Variants in MTAP observed in about 807,000 individuals in gnomAD.
MTAP encodes methylthioadenosine phosphorylase, also known as S-methyl-5'-thioadenosine phosphorylase.
Under a neutral mutation model 33.6 loss-of-function variants are expected in MTAP, and 33 were observed. The observed-to-expected ratio is 0.98, with a 90% CI of 0.74 to 1.31. The LOEUF (loss-of-function observed/expected upper bound fraction) is 1.31. Among genes scored for constraint, MTAP ranks in the 40% most tolerant of loss-of-function variants. MTAP has a pLI of 0.00. For missense variants in MTAP, 367 were observed against 360.0 expected (o/e 1.02, Z -0.16); for synonymous variants, 148 against 125.7 (o/e 1.18, Z -1.19).
intron 5 of MTAP, among the ~76,000 whole-genome samples, chr9:21,844,273 A>AG (rs936474538): frequency 6.6e-6 from 1 of 152,212 alleles, no homozygotes; most frequent in African/African-American, 2.4e-5. Context: ...CCAAGACCAG[A>AG]GGGATTCACA....
In MTAP at chr9:21,859,439, A is replaced by G. The variant is rs757389651; in HGVS notation, c.813+14A>G. ...CATAACCTGAAGGTAAGTGTCAGCCATGGACAATCAGGCATGTCTGTAGAC... is the reference window on the plus strand; with the variant it reads ...CATAACCTGAAGGTAAGTGTCAGCCGTGGACAATCAGGCATGTCTGTAGAC... On this transcript the variant is annotated intron_variant, in intron 7 of 7. Transcript: ENST00000644715. 2 of 1,602,954 alleles carry G rather than the reference A, an allele frequency of 1.2e-6. No homozygotes were observed. The highest frequency in any genetic ancestry group is 1.7e-6 in the Non-Finnish European group (2 of 1,176,590).
intron 4 of MTAP, among the ~76,000 whole-genome samples, chr9:21,834,851 T>A (rs1195182329): frequency 6.6e-6 from 1 of 152,244 alleles, no homozygotes; most frequent in Non-Finnish European, 1.5e-5. Context: ...GGGCCATTAT[T>A]TGAAATCTAA....
chr9:21,863,551 G>C lies in MTAP; in HGVS notation c.*1537G>C. The C allele has an allele frequency of 2.6e-6, 2 of 760,170 alleles. No individual in the cohort carries two copies. Among genetic ancestry groups the C allele is most frequent in the Non-Finnish European group, 3.2e-6 (2 of 624,494 alleles). 47.1% of individuals were successfully genotyped at this position (760,170 alleles called of 1,614,324 possible). On this transcript the variant is annotated 3_prime_UTR_variant, in exon 8 of 8. Coordinates refer to ENST00000644715, the MANE Select transcript of MTAP (RefSeq NM_002451.4). ...GAACCTGGGAGGTGGAGCTTGCAGTGAGCAGAGCTTGCAGTGAGACGAGCT... is the reference window on the plus strand; with the variant it reads ...GAACCTGGGAGGTGGAGCTTGCAGTCAGCAGAGCTTGCAGTGAGACGAGCT...
chr9:21,821,537 T>G (rs1014604798), intron 4 of MTAP, among the ~76,000 whole-genome samples: 2 of 152,242 alleles, frequency 1.3e-5, no homozygotes, highest in Non-Finnish European at 2.9e-5. Flanking sequence ...CAGTATTTTA[T>G]TGAGGATTTT....
intron 6 of MTAP, among the ~76,000 whole-genome samples, chr9:21,855,822 T>G (rs1425287255): frequency 5.3e-5 from 8 of 152,186 alleles, no homozygotes; most frequent in African/African-American, 1.9e-4. Context: ...GATAGGTATG[T>G]CCCTACCTAT....
At chr9:21,894,890 A>G (rs1042339022) in intron 1 of MTAP, among the ~76,000 whole-genome samples, 4 of 152,188 alleles carry the variant, frequency 2.6e-5, no homozygotes, top group Non-Finnish European at 5.9e-5. Context: ...ATAACATCCA[A>G]GCTGAGAGCC....
chr9:21,908,307 A>G (rs1818506650), intron 1 of MTAP, among the ~76,000 whole-genome samples: 2 of 152,100 alleles, frequency 1.3e-5, no homozygotes. Context: ...TTTTTATTCC[A>G]TTCTATTGCT....
intron 1 of MTAP, among the ~76,000 whole-genome samples, chr9:21,880,899 A>G (rs1818000176): frequency 6.6e-6 from 1 of 151,938 alleles, no homozygotes; most frequent in Non-Finnish European, 1.5e-5. Context: ...TTGCAGAAAC[A>G]TAAAAATTCA....
chr9:21,818,873 T>A (rs1339154928), intron 4 of MTAP, among the ~76,000 whole-genome samples: 2 of 152,202 alleles, frequency 1.3e-5, no homozygotes, highest in African/African-American at 4.8e-5. Context: ...CTCAAAAACT[T>A]ATTCCTCCTG....
chr9:21,883,688 CA>C (rs201069262), intron 1 of MTAP, among the ~76,000 whole-genome samples: 27 of 146,502 alleles, frequency 1.8e-4, no homozygotes, highest in African/African-American at 5.8e-4. Flanking sequence ...CACTAGATAG[CA>C]AAAAAAAAAT....
chr9:21,928,925 T>C (rs192723779), intron 1 of MTAP, among the ~76,000 whole-genome samples: 31 of 151,920 alleles, frequency 2.0e-4, no homozygotes, highest in Admixed American at 1.8e-3. Context: ...GTATGTTTCT[T>C]CTTTAGCAGG....
intron 1 of MTAP, among the ~76,000 whole-genome samples, chr9:21,920,400 C>T (rs550373446): frequency 2.6e-5 from 4 of 152,152 alleles, no homozygotes; most frequent in East Asian, 1.9e-4. Flanking sequence ...ATGTTTTTTT[C>T]CCTCAACCAT....
At chr9:21,848,057 C>G (rs1340997713) in intron 5 of MTAP, among the ~76,000 whole-genome samples, 2 of 152,164 alleles carry the variant, frequency 1.3e-5, no homozygotes, top group Non-Finnish European at 2.9e-5. Flanking sequence ...GTGGCAGCAT[C>G]CCCTCCCTGA....
Position 21,859,440 on chromosome 9 carries a change from T to C in MTAP, c.813+15T>C, listed in dbSNP as rs1315263415. 6.2e-7 allele frequency: 1 copy of C among 1,603,210 alleles called. No homozygotes were observed. Among genetic ancestry groups the C allele is most frequent in the Admixed American group, 1.8e-5 (1 of 57,104 alleles). On this transcript the variant is annotated intron_variant, in intron 7 of 7. Coordinates refer to ENST00000644715, the MANE Select transcript of MTAP (RefSeq NM_002451.4). The stretch of plus-strand genomic sequence containing the variant: ...ATAACCTGAAGGTAAGTGTCAGCCA[T>C]GGACAATCAGGCATGTCTGTAGACT...
At chr9:21,823,283 C>CCTT (rs1482535022) in intron 4 of MTAP, among the ~76,000 whole-genome samples, 1 of 149,258 alleles carries the variant, frequency 6.7e-6, no homozygotes, top group Admixed American at 6.7e-5. Context: ...TTCCTTTCCT[C>CCTT]CAGGAGCTCT....
chr9:21,803,033 CA>C (rs1366259420), intron 1 of MTAP: 16 of 1,058,732 alleles, frequency 1.5e-5, no homozygotes, highest in African/African-American at 1.1e-4. Context: ...CACACACACA[CA>C]CACCACCTTT....
chr9:21,811,756 C>T (rs961022586), intron 1 of MTAP: 14 of 530,588 alleles, frequency 2.6e-5, no homozygotes, highest in African/African-American at 9.6e-5. Flanking sequence ...TGCCCTCGCC[C>T]GTGTACCAGT....
exon 8 of MTAP, chr9:21,937,052 G>A (rs1819050909): frequency 6.6e-6 from 1 of 152,106 alleles, no homozygotes; most frequent in South Asian, 2.1e-4. Context: ...TGTATTATAA[G>A]GTTTTAAAAA....
In MTAP at chr9:21,862,264, A is replaced by T; in HGVS notation, c.*250A>T. The T allele has an allele frequency of 1.1e-6, 1 of 880,154 alleles. No individual in the cohort carries two copies. The highest frequency in any genetic ancestry group is 3.4e-4 in the Middle Eastern group (1 of 2,906). 54.5% of individuals were successfully genotyped at this position (880,154 alleles called of 1,614,324 possible). ...GAAAAAATATTACATTTTAAGGGGG[A>T]AAAAAAAACCCACCATTCTCTTCTC... On this transcript the variant is annotated 3_prime_UTR_variant, in exon 8 of 8. Coordinates refer to ENST00000644715, the MANE Select transcript of MTAP (RefSeq NM_002451.4).
Sources: allele counts gnomAD v4.1 joint callset (sites outside exome capture counted in the v4.1 genomes callset), GRCh38; gene constraint gnomAD v4.1.1; transcripts MANE v1.5; gene names NCBI Gene and HGNC (gene_info 2026-07-23, HGNC 2026-07-21).